PRADC1: variants seen among roughly 807,000 people sequenced by gnomAD.
PRADC1 encodes the protein protease associated domain containing 1, also known as protease-associated domain-containing protein 1.
In PRADC1, 23 loss-of-function variants were observed where a neutral mutation model predicts 22.9. That is an observed-to-expected ratio of 1.00 (90% CI 0.72 to 1.42). PRADC1 has a LOEUF of 1.42. Among genes scored for constraint, PRADC1 ranks in the 40% most tolerant of loss-of-function variants. PRADC1 has a pLI of 0.00. For synonymous variants in PRADC1, 71 were observed against 100.3 expected (o/e 0.71, Z 1.75); for missense variants, 207 against 258.3 (o/e 0.80, Z 1.36).
At chr2:73,229,173 A>T (rs895318743) in intron 3 of PRADC1, among the ~76,000 whole-genome samples, 4 of 151,796 alleles carry the variant, frequency 2.6e-5, no homozygotes, top group Non-Finnish European at 4.4e-5. Flanking sequence ...CCCAGGCTGG[A>T]GTGCAGTGAC....
At chr2:73,229,272 C>T (rs1686582478) in intron 3 of PRADC1, among the ~76,000 whole-genome samples, 189 bp downstream of exon 3, 2 of 152,122 alleles carry the variant, frequency 1.3e-5, no homozygotes, top group South Asian at 4.1e-4. Context: ...TGTGCACCAC[C>T]ATGCCCAGCT....
chr2:73,231,784 T>C (rs1686645075), intron 1 of PRADC1, among the ~76,000 whole-genome samples: 1 of 152,124 alleles, frequency 6.6e-6, no homozygotes, highest in Non-Finnish European at 1.5e-5. Flanking sequence ...TATCTGCCTC[T>C]TCCACTTTGT....
intron 1 of PRADC1, among the ~76,000 whole-genome samples, chr2:73,231,713 C>A (rs867741689): frequency 3.9e-5 from 6 of 151,998 alleles, no homozygotes; most frequent in South Asian, 2.1e-4. Context: ...CCTTGGCTTA[C>A]CAAAGTCCTG....
Position 73,228,229 on chromosome 2 carries a change from G to C in PRADC1, c.*225C>G. On this transcript the variant is annotated 3_prime_UTR_variant, in exon 5 of 5. Transcript: ENST00000258083. This position sits in a 1 kb window ranked among gnomAD's most constrained non-coding sequence, Gnocchi z 4.0. ...TCGGGTTCTAGCCAGAAGCCCTGGG[G>C]CCTGTCTCTTGCCTCTTCTTGTAGC... The C allele has an allele frequency of 1.8e-6, 1 of 556,234 alleles. No individual in the cohort carries two copies. The highest frequency in any genetic ancestry group is 3.2e-6 in the Non-Finnish European group (1 of 315,808). 34.5% of individuals were successfully genotyped at this position (556,234 alleles called of 1,614,324 possible).
At position 73,228,738 on chromosome 2, in the gene PRADC1, G is replaced by A; in HGVS notation, c.446+57C>T. On this transcript the variant is annotated intron_variant, in intron 4 of 4. Transcript: ENST00000258083. This position sits in a 1 kb window ranked among gnomAD's most constrained non-coding sequence, Gnocchi z 4.0. Reference sequence around the variant, plus strand: ...CAAGAAGGGACTGGTGATTACCCCTGACCCAGTCATGGCGCCCAGCCTGGT... The same window carrying A: ...CAAGAAGGGACTGGTGATTACCCCTAACCCAGTCATGGCGCCCAGCCTGGT... The A allele has an allele frequency of 6.3e-7, 1 of 1,589,552 alleles. No individual in the cohort carries two copies. The highest frequency in any genetic ancestry group is 1.1e-5 in the South Asian group (1 of 88,538).
rs1488589880 is a variant in PRADC1 at position 73,229,000 on chromosome 2, T to C, written c.279-38A>G. On this transcript the variant is annotated intron_variant, in intron 3 of 4. Transcript: ENST00000258083. This position sits in a 1 kb window ranked among gnomAD's most constrained non-coding sequence, Gnocchi z 4.0. ...GTGATAAGACCAAAGGAAAGACAGG[T>C]CCTAGCTCCCCCTTCCCCAGACCAT... 3 of 1,598,506 alleles carry C rather than the reference T, an allele frequency of 1.9e-6. No individual in the cohort carries two copies. Among genetic ancestry groups the C allele is most frequent in the Non-Finnish European group, 2.6e-6 (3 of 1,171,654 alleles).
intron 3 of PRADC1, 77 bp from the exon 4 acceptor site, chr2:73,229,039 T>C (rs1183458047): frequency 2.2e-5 from 29 of 1,311,344 alleles, no homozygotes; most frequent in Non-Finnish European, 2.9e-5. Flanking sequence ...CCTGGGAGTA[T>C]AGAAGGCAGA....
Position 73,228,313 on chromosome 2 carries a change from G to T in PRADC1, c.*141C>A. ...GGCCAGTGGTGTGGCTTCCCTTTCA[G>T]CCTAGCAACGCCCAAACCCTTTTCC... is the stretch of plus-strand genomic sequence containing the variant. On this transcript the variant is annotated 3_prime_UTR_variant, in exon 5 of 5. Transcript: ENST00000258083. The surrounding 1 kb of genome is among the most constrained non-coding windows in gnomAD (Gnocchi z 4.0). 2 of 1,070,580 alleles carry T rather than the reference G, an allele frequency of 1.9e-6. No homozygotes were observed. The highest frequency in any genetic ancestry group is 1.4e-6 in the Non-Finnish European group (1 of 736,938). 66.3% of individuals were successfully genotyped at this position (1,070,580 alleles called of 1,614,324 possible). A position where few individuals can be genotyped will look rare whatever the true frequency, so the allele number is the denominator to read the frequency against.
chr2:73,233,067 A>C, intron 1 of PRADC1, 27 bp downstream of exon 1: 1 of 1,531,072 alleles, frequency 6.5e-7, no homozygotes, highest in Non-Finnish European at 8.7e-7. Flanking sequence ...CCCGCCCTGC[A>C]ACGCAGTCCC....
chr2:73,229,855 C>G (rs1686601766), intron 2 of PRADC1: 1 of 584,610 alleles, frequency 1.7e-6, no homozygotes, highest in African/African-American at 1.9e-5. Flanking sequence ...GTAGAGCTGG[C>G]AGAGGAAGCT....
chr2:73,229,458 T>TGTCCTGCCTGCCCACTCCTA lies in PRADC1; in HGVS notation c.278+2_278+3insTAGGAGTGGGCAGGCAGGAC. ...CCTCGTGTCCTGCCTGCCCACTCCTTACCCCCTCTCCACCAGAGCAATCTG... is the reference window on the plus strand; with the variant it reads ...CCTCGTGTCCTGCCTGCCCACTCCTTGTCCTGCCTGCCCACTCCTAACCCCCTCTCCACCAGAGCAATCTG... On this transcript the variant is annotated splice_region_variant and intron_variant, in intron 3 of 4. Coordinates refer to ENST00000258083, the MANE Select transcript of PRADC1 (RefSeq NM_032319.3). 6.4e-7 allele frequency: 1 copy of TGTCCTGCCTGCCCACTCCTA among 1,555,348 alleles called. No individual in the cohort carries two copies.
Position 73,230,233 on chromosome 2 carries a change from G to A in PRADC1, c.68-20C>T, listed in dbSNP as rs770796800. The A allele has an allele frequency of 6.4e-7, 1 of 1,560,858 alleles. No homozygotes were observed. Among genetic ancestry groups the A allele is most frequent in the South Asian group, 1.1e-5 (1 of 89,838 alleles). ...GGAAGCCTGAAGGATAAAGAGTACAGGTAAGAAGCCTCCCAGGAACAAGCT... is the reference window on the plus strand; with the variant it reads ...GGAAGCCTGAAGGATAAAGAGTACAAGTAAGAAGCCTCCCAGGAACAAGCT... On this transcript the variant is annotated intron_variant, in intron 1 of 4. Transcript: ENST00000258083.
Position 73,228,869 on chromosome 2 carries a change from G to C in PRADC1, c.372C>G (p.Phe124Leu). 1.2e-6 allele frequency: 2 copies of C among 1,613,594 alleles called. No individual in the cohort carries two copies. Among genetic ancestry groups the C allele is most frequent in the Non-Finnish European group, 1.7e-6 (2 of 1,179,954 alleles). Residue 124 changes from phenylalanine to leucine, a missense_variant, in exon 4 of 5, where the codon TTC (phenylalanine) becomes TTG (leucine). Transcript: ENST00000258083. The surrounding 1 kb of genome is among the most constrained non-coding windows in gnomAD (Gnocchi z 4.0). Reference sequence around the variant, plus strand: ...TACTGTCCTGGATCATCTCCACGTAGAAGCTGTCATTGTCAACTGCGTTGT... The same window carrying C: ...TACTGTCCTGGATCATCTCCACGTACAAGCTGTCATTGTCAACTGCGTTGT... ...ISDNAVDNDS[F>L]YVEMIQDSTQ...
At position 73,228,831 on chromosome 2, in the gene PRADC1, G is replaced by T; in HGVS notation, c.410C>A (p.Ala137Asp). 6.2e-7 allele frequency: 1 copy of T among 1,613,116 alleles called. No individual in the cohort carries two copies. The highest frequency in any genetic ancestry group is 8.5e-7 in the Non-Finnish European group (1 of 1,179,900). The change falls in exon 4 of 5, where the codon GCT becomes GAT. Residue 137 changes from alanine to aspartate, a missense_variant. Coordinates refer to ENST00000258083, the MANE Select transcript of PRADC1 (RefSeq NM_032319.3). The surrounding 1 kb of genome is among the most constrained non-coding windows in gnomAD (Gnocchi z 4.0). Reference protein sequence around the residue: ...EMIQDSTQRTADIPALFLLGR... With the variant: ...EMIQDSTQRTDDIPALFLLGR... ...GAGCAGGAAGAGGGCGGGGATGTCA[G>T]CTGTGCGCTGGGTACTGTCCTGGAT...
At chr2:73,230,019 T>C in intron 2 of PRADC1, 94 bp downstream of exon 2, 1 of 869,938 alleles carries the variant, frequency 1.1e-6, no homozygotes, top group Non-Finnish European at 1.9e-6. Flanking sequence ...CCCTTCCCTG[T>C]CCCAGCACTC....
At chr2:73,230,503 A>G (rs1049221025) in intron 1 of PRADC1, among the ~76,000 whole-genome samples, 1 of 152,232 alleles carries the variant, frequency 6.6e-6, no homozygotes, top group Non-Finnish European at 1.5e-5. Context: ...TGCTCTGAAG[A>G]CCTGGGAGTT....
At chr2:73,230,347 C>G in intron 1 of PRADC1, 134 bp from the exon 2 acceptor site, 1 of 654,018 alleles carries the variant, frequency 1.5e-6, no homozygotes, top group South Asian at 1.8e-5. Context: ...ACGGGGTCCA[C>G]TAGTGGCAGG....
In PRADC1 at chr2:73,228,577, G is replaced by C; in HGVS notation, c.447-3C>G. The C allele has an allele frequency of 6.2e-7, 1 of 1,614,024 alleles. No homozygotes were observed. The highest frequency in any genetic ancestry group is 8.5e-7 in the Non-Finnish European group (1 of 1,180,028). On this transcript the variant is annotated splice_polypyrimidine_tract_variant and splice_region_variant and intron_variant, in intron 4 of 4. Transcript: ENST00000258083. This position sits in a 1 kb window ranked among gnomAD's most constrained non-coding sequence, Gnocchi z 4.0. ...CCAGAGAGCGGCGGATCATGTAGCT[G>C]GGAGGGCATGAAGAGAGGTGGTGAC...
chr2:73,232,754 T>A (rs988871567), intron 1 of PRADC1, among the ~76,000 whole-genome samples: 1 of 152,230 alleles, frequency 6.6e-6, no homozygotes, highest in African/African-American at 2.4e-5. Flanking sequence ...CCTGTGTACA[T>A]GTGAATGCTC....
Sources: allele counts gnomAD v4.1 joint callset (sites outside exome capture counted in the v4.1 genomes callset), GRCh38; gene constraint gnomAD v4.1.1; non-coding constraint Gnocchi (gnomAD v3.1); transcripts MANE v1.5; gene names NCBI Gene and HGNC (gene_info 2026-07-23, HGNC 2026-07-21).